ATP10B: variants seen among roughly 807,000 people sequenced by gnomAD.
ATP10B encodes ATPase phospholipid transporting 10B (putative), also known as phospholipid-transporting ATPase VB.
Under a neutral mutation model 141.2 loss-of-function variants are expected in ATP10B, and 122 were observed. The ratio of observed to expected loss-of-function variants is 0.86; its 90% CI spans 0.75 to 1.00. ATP10B has a LOEUF of 1.00. ATP10B is among the 50% of genes least tolerant of loss of function. The pLI is 0.00. For synonymous variants in ATP10B, 685 were observed against 692.0 expected, an observed-to-expected ratio of 0.99 and a Z score of 0.16; for missense variants, 1,876 against 1,825.3, an observed-to-expected ratio of 1.03 and a Z score of -0.51.
intron 2 of ATP10B, among the ~76,000 whole-genome samples, chr5:160,777,815 T>TA (rs1770442831): frequency 6.6e-6 from 1 of 152,204 alleles, no homozygotes; most frequent in Non-Finnish European, 1.5e-5. Flanking sequence ...TATTCATCTA[T>TA]AAGGAGCTGT....
intron 24 of ATP10B, among the ~76,000 whole-genome samples, chr5:160,581,110 ATTT>A (rs1214812491): frequency 6.6e-6 from 1 of 152,058 alleles, no homozygotes; most frequent in East Asian, 1.9e-4. Context: ...GGATTCATTG[ATTT>A]TTTGTTTTTG....
chr5:160,795,165 A>G (rs1340566831), intron 1 of ATP10B, among the ~76,000 whole-genome samples: 2 of 152,226 alleles, frequency 1.3e-5, no homozygotes, highest in Non-Finnish European at 2.9e-5. Context: ...TTTACAAACC[A>G]TCTTTTCAAA....
the ATP10B span, among the ~76,000 whole-genome samples, chr5:160,862,940 A>C: frequency 3.9e-3 from 599 of 152,124 alleles, 4 homozygotes; most frequent in African/African-American, 0.014. Flanking sequence ...AACTATTTCT[A>C]AGATATGAAT....
the ATP10B span, among the ~76,000 whole-genome samples, chr5:160,915,701 G>A: frequency 6.6e-6 from 1 of 152,132 alleles, no homozygotes; most frequent in African/African-American, 2.4e-5. Context: ...AAGACAGGCA[G>A]GAATAGATTA....
chr5:160,764,043 A>C (rs1228651473), intron 2 of ATP10B, among the ~76,000 whole-genome samples: 3 of 152,132 alleles, frequency 2.0e-5, no homozygotes, highest in African/African-American at 7.2e-5. Flanking sequence ...AATAACAAGT[A>C]GCATGATTGA....
At chr5:160,601,451 A>C (rs1745870044) in intron 21 of ATP10B, among the ~76,000 whole-genome samples, 1 of 151,262 alleles carries the variant, frequency 6.6e-6, no homozygotes, top group Non-Finnish European at 1.5e-5. Flanking sequence ...ATAATGAAAA[A>C]CTCTTTTGTT....
At chr5:160,683,877 C>T (rs1244628538) in intron 6 of ATP10B, among the ~76,000 whole-genome samples, 3 of 152,218 alleles carry the variant, frequency 2.0e-5, no homozygotes, top group African/African-American at 4.8e-5. Context: ...CTAACTCTGT[C>T]TTCTTTCCTT....
chr5:160,885,109 T>C, the ATP10B span, among the ~76,000 whole-genome samples: 8 of 152,202 alleles, frequency 5.3e-5, no homozygotes, highest in Non-Finnish European at 8.8e-5. Context: ...TCTGATCCTT[T>C]TGGGAATAGG....
chr5:160,717,968 T>C (rs1765759549), intron 2 of ATP10B, among the ~76,000 whole-genome samples: 1 of 152,158 alleles, frequency 6.6e-6, no homozygotes, highest in Non-Finnish European at 1.5e-5. Context: ...ATTTACCCTG[T>C]ACTTGGTGGG....
intron 2 of ATP10B, among the ~76,000 whole-genome samples, chr5:160,783,424 C>A (rs1770877435): frequency 2.5e-5 from 2 of 78,996 alleles, no homozygotes; most frequent in Admixed American, 1.5e-4. Flanking sequence ...ATGGATATAT[C>A]CATGGATAGA....
At chr5:160,859,661 C>T in the ATP10B span, among the ~76,000 whole-genome samples, 2 of 151,894 alleles carry the variant, frequency 1.3e-5, no homozygotes, top group Non-Finnish European at 2.9e-5. Context: ...GCTCAGAAAT[C>T]TGGAATTTAT....
At position 160,612,924 on chromosome 5, in the gene ATP10B, T is replaced by C. The variant is rs1561653525; in HGVS notation, c.2655A>G (p.Gly885=). ...QHLENQLTLL[G]ATGIEDRLQE... is the part of the protein sequence containing the mutation. ...GCAGCCGGTCTTCGATCCCAGTGGCTCCTGGAGTGATGAAAAACAACAGAG... is the reference window on the plus strand; with the variant it reads ...GCAGCCGGTCTTCGATCCCAGTGGCCCCTGGAGTGATGAAAAACAACAGAG... Residue 885 remains glycine (G), a splice_region_variant and synonymous_variant, in exon 18 of 26, where the codon GGA becomes GGG. Transcript: ENST00000327245. 3 of 1,609,716 alleles carry C rather than the reference T, an allele frequency of 1.9e-6. No homozygotes were observed. Among genetic ancestry groups the C allele is most frequent in the East Asian group, 2.2e-5 (1 of 44,814 alleles).
chr5:160,595,769 T>C (rs1257974758), intron 22 of ATP10B, among the ~76,000 whole-genome samples: 2 of 68,562 alleles, frequency 2.9e-5, no homozygotes. Context: ...AACACCTCTA[T>C]GCAAATACAC....
At chr5:160,586,281 A>T (rs753916006) in intron 24 of ATP10B, among the ~76,000 whole-genome samples, 1 of 152,188 alleles carries the variant, frequency 6.6e-6, no homozygotes, top group Non-Finnish European at 1.5e-5. Context: ...TTCCAGCTTC[A>T]TCTATGTCCC....
the ATP10B span, among the ~76,000 whole-genome samples, chr5:160,927,089 A>G: frequency 6.6e-6 from 1 of 152,230 alleles, no homozygotes; most frequent in Non-Finnish European, 1.5e-5. Context: ...AAATGCAGGC[A>G]CTAAGTGACT....
intron 2 of ATP10B, among the ~76,000 whole-genome samples, chr5:160,732,902 G>A (rs746686782): frequency 1.3e-5 from 2 of 152,104 alleles, no homozygotes; most frequent in Non-Finnish European, 2.9e-5. Context: ...CGGTGCAGTG[G>A]CACAATCATA....
At chr5:160,895,840 C>A in the ATP10B span, among the ~76,000 whole-genome samples, 1 of 152,102 alleles carries the variant, frequency 6.6e-6, no homozygotes, top group Non-Finnish European at 1.5e-5. Context: ...GAAATCATAA[C>A]AAACAGTCTC....
rs80241453 is a variant in ATP10B at position 160,607,035 on chromosome 5, G to A, written c.2890C>T (p.Arg964Cys). 8,213 of 1,614,102 alleles carry A rather than the reference G, an allele frequency of 5.1e-3. 260 individuals are homozygous for A. The East Asian group carries it at 0.097, about 19-fold the overall frequency. Residue 964 changes from arginine to cysteine, a missense_variant, in exon 19 of 26, where the codon CGT becomes TGT. By Grantham distance (180) the Arg-to-Cys change is radical. Coordinates refer to ENST00000327245, the MANE Select transcript of ATP10B (RefSeq NM_025153.3). The part of the protein sequence containing the change: ...NCALEELKQF[R>C]ELQKPDRKLF... ...TTGCGGTCTGGCTTCTGTAGTTCACGAAATTGCTTTAGCTCTTCCAATGCA... is the reference window on the plus strand; with the variant it reads ...TTGCGGTCTGGCTTCTGTAGTTCACAAAATTGCTTTAGCTCTTCCAATGCA...
Position 160,564,224 on chromosome 5 carries a change from C to T in ATP10B, c.*1229G>A, listed in dbSNP as rs1321749584. Reference sequence around the variant, plus strand: ...CAGTAACCCTTTCTGGCTTATTTTACAAGACTAGGGTTAGGCTATACTTGC... The same window carrying T: ...CAGTAACCCTTTCTGGCTTATTTTATAAGACTAGGGTTAGGCTATACTTGC... On this transcript the variant is annotated 3_prime_UTR_variant, in exon 26 of 26. Transcript: ENST00000327245. 1 of 152,154 alleles carries T rather than the reference C, an allele frequency of 6.6e-6. No individual in the cohort carries two copies. The highest frequency in any genetic ancestry group is 2.4e-5 in the African/African-American group (1 of 41,436). 9.4% of individuals were successfully genotyped at this position (152,154 alleles called of 1,614,324 possible).
Sources: gnomAD v4.1 joint callset for allele counts (sites outside exome capture counted in the v4.1 genomes callset) on GRCh38, gnomAD v4.1.1 for gene constraint, MANE v1.5 for transcripts, NCBI Gene and HGNC (gene_info 2026-07-23, HGNC 2026-07-21) for gene names.